Variants in SLIT2 observed in about 807,000 individuals in gnomAD.
SLIT2 encodes the protein slit homolog 2 protein.
A neutral mutation model predicts 185.7 loss-of-function variants in SLIT2; 41 were observed. The observed-to-expected ratio is 0.22, with a 90% CI of 0.17 to 0.29. SLIT2 has a LOEUF of 0.29. SLIT2 is among the 10% of genes least tolerant of loss of function. SLIT2 has a pLI of 1.00. For missense variants in SLIT2, 1,571 were observed against 1,909.0 expected (o/e 0.82, Z 3.30); for synonymous variants, 693 against 680.2 (o/e 1.02, Z -0.29).
At chr4:20,533,779 A>G (rs778180661) in intron 18 of SLIT2, 64 bp downstream of exon 18, 62 of 1,475,772 alleles carry the variant, frequency 4.2e-5, no homozygotes, top group Non-Finnish European at 5.7e-5. Flanking sequence ...GTTCATTATA[A>G]TCCTGGGAGA....
chr4:20,378,494 T>A (rs1724218405), intron 4 of SLIT2, among the ~76,000 whole-genome samples: 1 of 152,152 alleles, frequency 6.6e-6, no homozygotes, highest in African/African-American at 2.4e-5. Context: ...TTTGAGCTTT[T>A]TTTAATTAGG....
chr4:20,487,865 C>T (rs187548133), intron 7 of SLIT2, among the ~76,000 whole-genome samples: 3 of 152,108 alleles, frequency 2.0e-5, no homozygotes, highest in Non-Finnish European at 4.4e-5. Context: ...GCCTAATTAT[C>T]TTTCTGGACT....
Position 20,542,553 on chromosome 4 carries a change from G to C in SLIT2, c.2203G>C (p.Asp735His). 1 of 1,613,706 alleles carries C rather than the reference G, an allele frequency of 6.2e-7. No homozygotes were observed. The highest frequency in any genetic ancestry group is 8.5e-7 in the Non-Finnish European group (1 of 1,179,710). Reference protein sequence around the residue: ...SRCPTECTCLDTVVRCSNKGL... With the variant: ...SRCPTECTCLHTVVRCSNKGL... The stretch of plus-strand genomic sequence containing the variant: ...CTGTCCTACTGAATGTACTTGCTTG[G>C]ATACAGTCGTCCGATGTAGCAACAA... Residue 735 changes from aspartate (D) to histidine (H), a missense_variant, in exon 21 of 37, where the codon GAT (aspartate) becomes CAT (histidine). Transcript: ENST00000504154.
chr4:20,532,185 A>G (rs1721873049), intron 17 of SLIT2, 127 bp downstream of exon 17: 6 of 592,960 alleles, frequency 1.0e-5, no homozygotes, highest in South Asian at 6.9e-5. Flanking sequence ...GATGACCTGT[A>G]ACATGAATTT....
At chr4:20,330,868 C>CTATAT (rs1720006730) in intron 4 of SLIT2, among the ~76,000 whole-genome samples, 1 of 152,066 alleles carries the variant, frequency 6.6e-6, no homozygotes, top group African/African-American at 2.4e-5. Context: ...AGGAAAGAGA[C>CTATAT]ATCCTAATAT....
intron 18 of SLIT2, among the ~76,000 whole-genome samples, chr4:20,539,032 T>C (rs187953918): frequency 2.6e-5 from 4 of 152,308 alleles, no homozygotes; most frequent in Non-Finnish European, 5.9e-5. Flanking sequence ...GGCTATTGAT[T>C]CTTTTCTGCC....
In SLIT2 at chr4:20,424,073, G is replaced by T. The variant is rs542449135; in HGVS notation, c.396-43679G>T. Among the ~76,000 whole-genome samples, 3 of 152,210 alleles carry T rather than the reference G, an allele frequency of 2.0e-5. No homozygotes were observed. In the East Asian group the frequency reaches 5.8e-4, roughly 29 times the overall value. ...ATTAAATGTGTAAATGAAACCATTT[G>T]TTCATTGTCATGTTACTCAGAGTTG... is the stretch of plus-strand genomic sequence containing the variant. On this transcript the variant is annotated intron_variant, in intron 4 of 36. Coordinates refer to ENST00000504154, the MANE Select transcript of SLIT2 (RefSeq NM_004787.4).
intron 29 of SLIT2, chr4:20,569,229 A>G (rs1725358570): frequency 4.0e-6 from 2 of 498,564 alleles, no homozygotes; most frequent in Non-Finnish European, 7.2e-6. Flanking sequence ...TTATAAAGCC[A>G]TGCTATCCAG....
chr4:20,430,636 C>T lies in SLIT2; in HGVS notation c.396-37116C>T, dbSNP rs921646761. Among the ~76,000 whole-genome samples the T allele has an allele frequency of 3.3e-5, 5 of 152,174 alleles. No individual in the cohort carries two copies. In the South Asian group the frequency reaches 1.0e-3, roughly 32 times the overall value. On this transcript the variant is annotated intron_variant, in intron 4 of 36. Transcript: ENST00000504154. ...GTTACTTACCTATTTATTTATGTAT[C>T]CTGTTGTATAAAACACATTTCCTTA...
rs1219617778 is a variant in SLIT2 at position 20,254,611 on chromosome 4, C to G, written c.179+617C>G. Among the ~76,000 whole-genome samples the G allele has an allele frequency of 1.3e-5, 2 of 152,044 alleles. No homozygotes were observed. The highest frequency in any genetic ancestry group is 1.5e-5 in the Non-Finnish European group (1 of 67,994). Reference sequence around the variant, plus strand: ...GTAGCCTCGCGCAGCCCCCCGCCCCCCACTTCTCCGGGGAGGGGAAGACGG... The same window carrying G: ...GTAGCCTCGCGCAGCCCCCCGCCCCGCACTTCTCCGGGGAGGGGAAGACGG... On this transcript the variant is annotated intron_variant, in intron 1 of 36. Transcript: ENST00000504154. This position sits in a 1 kb window ranked among gnomAD's most constrained non-coding sequence, Gnocchi z 5.1.
At chr4:20,323,789 T>C (rs1719305903) in intron 4 of SLIT2, among the ~76,000 whole-genome samples, 1 of 152,220 alleles carries the variant, frequency 6.6e-6, no homozygotes, top group Admixed American at 6.6e-5. Context: ...GTTATGTCAC[T>C]CGAACTACCA....
intron 29 of SLIT2, among the ~76,000 whole-genome samples, chr4:20,580,410 CGT>C (rs58904041): frequency 0.5 from 74,301 of 148,492 alleles, 19,497 homozygotes; most frequent in East Asian, 0.78. Context: ...ATATATTATA[CGT>C]GTGTGTGTGT....
chr4:20,549,776 A>G (rs1214958253), intron 24 of SLIT2, among the ~76,000 whole-genome samples: 2 of 151,764 alleles, frequency 1.3e-5, no homozygotes, highest in Admixed American at 1.3e-4. Context: ...GAATAGATAT[A>G]TATTTATACA....
chr4:20,510,949 T>G, intron 10 of SLIT2, 117 bp from the exon 11 acceptor site: 1 of 618,326 alleles, frequency 1.6e-6, no homozygotes, highest in East Asian at 2.6e-5. Context: ...ATGTTGCACG[T>G]TTTGGACATG....
At chr4:20,547,948 G>A (rs924739439) in intron 22 of SLIT2, among the ~76,000 whole-genome samples, 3 of 152,042 alleles carry the variant, frequency 2.0e-5, no homozygotes, top group Non-Finnish European at 2.9e-5. Flanking sequence ...GAGCACAGAC[G>A]TTTTTATTGA....
chr4:20,359,482 T>C (rs192085397), intron 4 of SLIT2, among the ~76,000 whole-genome samples: 7 of 152,168 alleles, frequency 4.6e-5, no homozygotes, highest in South Asian at 4.1e-4. Context: ...CAGATTCATA[T>C]GTTGAAAAGA....
intron 4 of SLIT2, among the ~76,000 whole-genome samples, chr4:20,425,161 G>A (rs1358709344): frequency 6.6e-6 from 1 of 152,014 alleles, no homozygotes; most frequent in Non-Finnish European, 1.5e-5. Flanking sequence ...AGACTTTGTG[G>A]ATACAGGCAA....
Position 20,589,752 on chromosome 4 carries a change from A to T in SLIT2, c.3182+15A>T, listed in dbSNP as rs754858469. ...AAGGGATTCAAGTAAGTCAAAAGCTACCTTTTTGCTCACAGTCAGGGTAGG... is the reference window on the plus strand; with the variant it reads ...AAGGGATTCAAGTAAGTCAAAAGCTTCCTTTTTGCTCACAGTCAGGGTAGG... On this transcript the variant is annotated intron_variant, in intron 30 of 36. Coordinates refer to ENST00000504154, the MANE Select transcript of SLIT2 (RefSeq NM_004787.4). The T allele has an allele frequency of 1.9e-6, 3 of 1,600,644 alleles. No individual in the cohort carries two copies. Among genetic ancestry groups the T allele is most frequent in the Non-Finnish European group, 2.6e-6 (3 of 1,169,228 alleles).
At chr4:20,345,318 A>G (rs1449339753) in intron 4 of SLIT2, among the ~76,000 whole-genome samples, 1 of 151,712 alleles carries the variant, frequency 6.6e-6, no homozygotes, top group East Asian at 1.9e-4. Flanking sequence ...CTCCTTGAAA[A>G]CCTGTAGCTC....
Sources: gnomAD v4.1 joint callset for allele counts (sites outside exome capture counted in the v4.1 genomes callset) on GRCh38, gnomAD v4.1.1 for gene constraint, Gnocchi (gnomAD v3.1) non-coding constraint, MANE v1.5 for transcripts, NCBI Gene and HGNC (gene_info 2026-07-23, HGNC 2026-07-21) for gene names.